NRXN3: variants seen among roughly 807,000 people sequenced by gnomAD.
NRXN3 encodes the protein neurexin III.
In NRXN3, 32 loss-of-function variants were observed where a neutral mutation model predicts 137.6. The ratio of observed to expected loss-of-function variants is 0.23; its 90% CI spans 0.18 to 0.31. NRXN3 has a LOEUF of 0.31. Ranked by LOEUF, NRXN3 falls within the 10% of genes least tolerant of loss-of-function variation. The pLI, the probability that NRXN3 is intolerant of heterozygous loss-of-function variation, is 1.00. For synonymous variants in NRXN3, 798 were observed against 784.5 expected, an observed-to-expected ratio of 1.02 and a Z score of -0.29; for missense variants, 1,574 against 2,062.5, an observed-to-expected ratio of 0.76 and a Z score of 4.59.
chr14:78,535,475 T>G (rs2096526474), intron 4 of NRXN3, among the ~76,000 whole-genome samples: 1 of 152,224 alleles, frequency 6.6e-6, no homozygotes, highest in African/African-American at 2.4e-5. Flanking sequence ...GCCACTTTAC[T>G]AATTTGTGGT....
chr14:78,507,633 C>CT (rs2096018646), intron 4 of NRXN3, among the ~76,000 whole-genome samples: 1 of 152,158 alleles, frequency 6.6e-6, no homozygotes, highest in Admixed American at 6.5e-5. Flanking sequence ...CGTGCATAGT[C>CT]TATCTAGATT....
intron 10 of NRXN3, among the ~76,000 whole-genome samples, chr14:78,913,058 T>C (rs1289304356): frequency 6.6e-6 from 1 of 152,052 alleles, no homozygotes; most frequent in Non-Finnish European, 1.5e-5. Flanking sequence ...AGAGTATACA[T>C]TTTAAGAGGC....
At chr14:79,325,091 G>A (rs538613253) in intron 15 of NRXN3, among the ~76,000 whole-genome samples, 7 of 152,080 alleles carry the variant, frequency 4.6e-5, no homozygotes, top group Admixed American at 6.5e-5. Context: ...CCAAACCCTC[G>A]CCATGCTTTG....
chr14:78,422,261 T>G (rs1368255878), intron 4 of NRXN3, among the ~76,000 whole-genome samples: 14 of 152,232 alleles, frequency 9.2e-5, no homozygotes, highest in Admixed American at 8.5e-4. Flanking sequence ...GTTTCCTCTT[T>G]GAATGCCCTT....
intron 15 of NRXN3, chr14:78,988,382 A>G: frequency 4.1e-6 from 2 of 484,758 alleles, no homozygotes; most frequent in Non-Finnish European, 7.4e-6. Flanking sequence ...TTAGATTAGA[A>G]TAGCGACTGA....
intron 1 of NRXN3, among the ~76,000 whole-genome samples, chr14:78,187,294 A>G (rs1438143408): frequency 1.3e-5 from 2 of 150,570 alleles, no homozygotes; most frequent in African/African-American, 2.4e-5. Flanking sequence ...CAAAGCTTGC[A>G]ATGCTCTGGG....
intron 4 of NRXN3, among the ~76,000 whole-genome samples, chr14:78,508,789 T>G (rs143553789): frequency 2.2e-4 from 34 of 152,298 alleles, no homozygotes; most frequent in Middle Eastern, 3.4e-3. Context: ...TGTACAACAA[T>G]GTGAATGCAA....
intron 4 of NRXN3, among the ~76,000 whole-genome samples, chr14:78,577,472 AT>A (rs961190930): frequency 5.1e-4 from 76 of 150,042 alleles, no homozygotes; most frequent in East Asian, 1.9e-3. Flanking sequence ...TTATAGGTGA[AT>A]TTTTTTTTTG....
intron 15 of NRXN3, among the ~76,000 whole-genome samples, chr14:79,121,032 C>A (rs2152922289): frequency 6.6e-6 from 1 of 152,248 alleles, no homozygotes; most frequent in Non-Finnish European, 1.5e-5. Context: ...CTACTCTGAG[C>A]ATTACAGATG....
intron 4 of NRXN3, among the ~76,000 whole-genome samples, chr14:78,641,896 G>C (rs1202326631): frequency 6.6e-6 from 1 of 152,160 alleles, no homozygotes; most frequent in East Asian, 1.9e-4. Context: ...TTTATTTATG[G>C]TGATATTCTC....
intron 4 of NRXN3, among the ~76,000 whole-genome samples, chr14:78,484,687 G>A (rs1383516755): frequency 6.6e-6 from 1 of 152,108 alleles, no homozygotes; most frequent in Non-Finnish European, 1.5e-5. Context: ...GAGGTAAAAG[G>A]TTTAGCCACA....
At chr14:79,130,193 T>G (rs1236382470) in intron 15 of NRXN3, among the ~76,000 whole-genome samples, 1 of 151,828 alleles carries the variant, frequency 6.6e-6, no homozygotes, top group Non-Finnish European at 1.5e-5. Flanking sequence ...AAGTTAATAT[T>G]GTTATGTGTG....
In NRXN3 at chr14:78,763,930, A is replaced by G. The variant is rs117479636; in HGVS notation, c.2045-39690A>G. ...CTGTTGCAACTTAGAGTTGCAAGGA[A>G]TGAATGCGAAGACACCCTAGGACAT... On this transcript the variant is annotated intron_variant, in intron 8 of 20. Coordinates refer to ENST00000335750, the MANE Select transcript of NRXN3 (RefSeq NM_001330195.2). Among the ~76,000 whole-genome samples, 205 of 152,288 alleles carry G rather than the reference A, an allele frequency of 1.3e-3. 1 individual carries two copies. In the East Asian group the frequency reaches 0.022, roughly 17 times the overall value.
At chr14:79,504,675 A>ATATATATATATATAT (rs1418274750) in intron 16 of NRXN3, among the ~76,000 whole-genome samples, 159 of 141,954 alleles carry the variant, frequency 1.1e-3, no homozygotes, top group Non-Finnish European at 1.4e-3. Context: ...ATATATATAT[A>ATATATATATATATAT]AAACATTACA....
chr14:79,380,940 G>A (rs1284951152), intron 15 of NRXN3, among the ~76,000 whole-genome samples: 1 of 152,040 alleles, frequency 6.6e-6, no homozygotes, highest in African/African-American at 2.4e-5. Context: ...TCTCCTTGAG[G>A]CTGGAAGTGT....
At chr14:78,217,404 G>C (rs2063401272) in intron 1 of NRXN3, among the ~76,000 whole-genome samples, 1 of 152,102 alleles carries the variant, frequency 6.6e-6, no homozygotes, top group Admixed American at 6.5e-5. Context: ...GGGTGCTACT[G>C]TCATCTAGTG....
intron 15 of NRXN3, among the ~76,000 whole-genome samples, chr14:79,158,379 G>T (rs2060451631): frequency 6.6e-6 from 1 of 151,724 alleles, no homozygotes; most frequent in Non-Finnish European, 1.5e-5. Flanking sequence ...TCAATTTAGG[G>T]CAGAAATCAT....
chr14:79,704,015 G>GGATTGTGAGTTCTTCTAAGGGCCCCA (rs2098765991), intron 19 of NRXN3, among the ~76,000 whole-genome samples: 2 of 152,056 alleles, frequency 1.3e-5, no homozygotes, highest in Non-Finnish European at 2.9e-5. Context: ...ACAAGGGCCT[G>GGATTGTGAGTTCTTCTAAGGGCCCCA]GATTGTGAGT....
intron 20 of NRXN3, among the ~76,000 whole-genome samples, chr14:79,858,830 A>T (rs2141904462): frequency 6.6e-6 from 1 of 152,292 alleles, no homozygotes; most frequent in South Asian, 2.1e-4. Context: ...GCAGAAGAAT[A>T]ATAAAAAAGT....
Sources: allele counts gnomAD v4.1 joint callset (sites outside exome capture counted in the v4.1 genomes callset), GRCh38; gene constraint gnomAD v4.1.1; transcripts MANE v1.5; gene names NCBI Gene and HGNC (gene_info 2026-07-23, HGNC 2026-07-21).